Variants in FARS2 observed in about 807,000 individuals in gnomAD.
FARS2 encodes phenylalanyl-tRNA synthetase 2, mitochondrial.
In FARS2, 40 loss-of-function variants were observed where a neutral mutation model predicts 46.4. The observed-to-expected ratio is 0.86, with a 90% confidence interval of 0.67 to 1.12. The LOEUF is 1.12. Among genes scored for constraint, FARS2 ranks in the 50% most tolerant of loss-of-function variants. The probability of loss-of-function intolerance (pLI) is 0.00; values close to 1 mark genes in which losing one functional copy is unlikely to be tolerated. For missense variants in FARS2, 513 were observed against 567.9 expected, an observed-to-expected ratio of 0.90 and a Z score of 0.98; for synonymous variants, 234 against 214.9, an observed-to-expected ratio of 1.09 and a Z score of -0.78.
rs375439253 is a variant in FARS2 at position 5,713,043 on chromosome 6, A to C, written c.1218-58248A>C. On this transcript the variant is annotated intron_variant, in intron 6 of 6. Coordinates refer to ENST00000274680, the MANE Select transcript of FARS2 (RefSeq NM_006567.5). ...CAATGTACAGTGTGTGCCCTACCTT[A>C]TCCTGACCTTTGCCTCCAGTGTGCA... is the stretch of plus-strand genomic sequence containing the variant. 2.6e-5 allele frequency among the ~76,000 whole-genome samples: 4 copies of C among 152,370 alleles called. No individual in the cohort carries two copies. In the South Asian group the frequency reaches 6.2e-4, roughly 24 times the overall value.
At chr6:5,401,229 A>G (rs1761236178) in intron 2 of FARS2, among the ~76,000 whole-genome samples, 1 of 152,084 alleles carries the variant, frequency 6.6e-6, no homozygotes, top group South Asian at 2.1e-4. Context: ...ATAACATGTT[A>G]CATTTTATTT....
In FARS2 at chr6:5,371,142, T is replaced by A. The variant is rs980225251; in HGVS notation, c.612+1960T>A. The A allele has an allele frequency of 4.1e-6, 4 of 976,342 alleles. No homozygotes were observed. The East Asian group carries it at 4.6e-4, about 111-fold the overall frequency. 60.5% of individuals were successfully genotyped at this position (976,342 alleles called of 1,614,324 possible). On this transcript the variant is annotated intron_variant, in intron 2 of 6. Transcript: ENST00000274680. ...CTCCTTTCTACGTGGGACCTGCTTA[T>A]GACCCAAAGGGGAGTTTTGGTTCCA...
intron 5 of FARS2, among the ~76,000 whole-genome samples, chr6:5,552,124 C>T (rs1771405095): frequency 6.6e-6 from 1 of 152,054 alleles, no homozygotes; most frequent in Non-Finnish European, 1.5e-5. Flanking sequence ...AGTGGTTTGT[C>T]TTTAGGGATA....
At chr6:5,464,472 AAG>A (rs954159225) in intron 4 of FARS2, among the ~76,000 whole-genome samples, 4 of 152,234 alleles carry the variant, frequency 2.6e-5, no homozygotes, top group African/African-American at 7.2e-5. Context: ...TTAGGGGAGA[AAG>A]AGCTGCTGCC....
At chr6:5,328,294 T>G (rs1344555019) in intron 1 of FARS2, among the ~76,000 whole-genome samples, 2 of 152,186 alleles carry the variant, frequency 1.3e-5, no homozygotes, top group East Asian at 3.8e-4. Flanking sequence ...CCCCTGTTGG[T>G]TGAGAATGTT....
At chr6:5,621,293 G>A (rs77841747) in intron 6 of FARS2, among the ~76,000 whole-genome samples, 4,741 of 150,064 alleles carry the variant, frequency 0.032, 89 homozygotes, top group Non-Finnish European at 0.047. Context: ...GTCTTGCTTC[G>A]TTGCCCAGGC....
At chr6:5,771,262 A>G in intron 6 of FARS2, 29 bp from the exon 7 acceptor site, 1 of 1,613,526 alleles carries the variant, frequency 6.2e-7, no homozygotes, top group African/African-American at 1.3e-5. Context: ...TTCATCCCGC[A>G]CTCACCTGTG....
chr6:5,528,636 CAT>C (rs1769622845), intron 4 of FARS2, among the ~76,000 whole-genome samples: 2 of 152,198 alleles, frequency 1.3e-5, no homozygotes, highest in African/African-American at 2.4e-5. Flanking sequence ...CTTGTCCTTA[CAT>C]ACATCCACTC....
chr6:5,260,617 C>G (rs1765012849), upstream of FARS2: 1 of 1,491,596 alleles, frequency 6.7e-7, no homozygotes, highest in Non-Finnish European at 8.9e-7. Flanking sequence ...CCTGGCCCCC[C>G]GCCCCCGGCC....
chr6:5,484,761 A>G (rs1357519375), intron 4 of FARS2, among the ~76,000 whole-genome samples: 1 of 152,130 alleles, frequency 6.6e-6, no homozygotes, highest in Non-Finnish European at 1.5e-5. Flanking sequence ...TCAGAGAGAA[A>G]CCTCCTAGCT....
chr6:5,341,167 C>T (rs1482005760), intron 1 of FARS2, among the ~76,000 whole-genome samples: 1 of 113,432 alleles, frequency 8.8e-6, no homozygotes, highest in Non-Finnish European at 1.8e-5. Flanking sequence ...CTTTCATTTG[C>T]CTGCTCTGTG....
At chr6:5,619,634 T>G (rs923505247) in intron 6 of FARS2, among the ~76,000 whole-genome samples, 3 of 152,126 alleles carry the variant, frequency 2.0e-5, no homozygotes, top group African/African-American at 7.2e-5. Flanking sequence ...TTGGCTTAAG[T>G]GGGTAGACTA....
chr6:5,680,482 A>G (rs1778978234), intron 6 of FARS2, among the ~76,000 whole-genome samples: 1 of 152,226 alleles, frequency 6.6e-6, no homozygotes, highest in Non-Finnish European at 1.5e-5. Context: ...ATTATGATCA[A>G]CTAGAAATAA....
At chr6:5,424,877 A>G (rs1762760095) in intron 3 of FARS2, among the ~76,000 whole-genome samples, 1 of 152,226 alleles carries the variant, frequency 6.6e-6, no homozygotes, top group Non-Finnish European at 1.5e-5. Flanking sequence ...ACAGAAGCAG[A>G]ATAGATGGAA....
At chr6:5,474,894 G>A (rs898576972) in intron 4 of FARS2, among the ~76,000 whole-genome samples, 3 of 152,002 alleles carry the variant, frequency 2.0e-5, no homozygotes, top group South Asian at 2.1e-4. Flanking sequence ...TCCTGACCTC[G>A]TGATCCACCC....
chr6:5,740,196 G>A (rs547327685), intron 6 of FARS2, among the ~76,000 whole-genome samples: 1 of 152,142 alleles, frequency 6.6e-6, no homozygotes, highest in East Asian at 1.9e-4. Context: ...TCTCCTCCAG[G>A]CTTATCATGG....
At chr6:5,731,872 G>A (rs1430864646) in intron 6 of FARS2, among the ~76,000 whole-genome samples, 1 of 152,140 alleles carries the variant, frequency 6.6e-6, no homozygotes, top group East Asian at 1.9e-4. Context: ...GTCCTGATGT[G>A]GTTTATTCTT....
intron 6 of FARS2, among the ~76,000 whole-genome samples, chr6:5,752,138 CA>C (rs1761983272): frequency 6.6e-6 from 1 of 152,188 alleles, no homozygotes; most frequent in Non-Finnish European, 1.5e-5. Context: ...AGGAAGATGT[CA>C]TAACCAATAC....
chr6:5,410,664 G>A (rs1761894198), intron 3 of FARS2, among the ~76,000 whole-genome samples: 1 of 152,170 alleles, frequency 6.6e-6, no homozygotes, highest in African/African-American at 2.4e-5. Context: ...AGAGATAATA[G>A]TTAACAGTGT....
Sources: gnomAD v4.1 joint callset for allele counts (sites outside exome capture counted in the v4.1 genomes callset) on GRCh38, gnomAD v4.1.1 for gene constraint, MANE v1.5 for transcripts, NCBI Gene and HGNC (gene_info 2026-07-23, HGNC 2026-07-21) for gene names.